The following RSPH14 variants were observed in gnomAD, a reference collection of about 807,000 sequenced individuals.
RSPH14 encodes the protein rhabdoid tumor deletion region gene 1.
RSPH14 carries 20 observed loss-of-function variants against 26.7 expected under a neutral mutation model. The ratio of observed to expected loss-of-function variants is 0.75; its 90% CI spans 0.53 to 1.09. The LOEUF (loss-of-function observed/expected upper bound fraction) is 1.09. Among genes scored for constraint, RSPH14 ranks in the 50% least tolerant of loss-of-function variants. The pLI is 0.00. For synonymous variants in RSPH14, 177 were observed against 189.3 expected (o/e 0.93, Z 0.53); for missense variants, 449 against 457.2 (o/e 0.98, Z 0.16).
chr22:23,135,172 TA>T (rs1460075392), intron 3 of RSPH14, among the ~76,000 whole-genome samples: 1 of 151,682 alleles, frequency 6.6e-6, no homozygotes, highest in Non-Finnish European at 1.5e-5. Flanking sequence ...CCTTGTCTCT[TA>T]AAAAATAAAA....
intron 4 of RSPH14, among the ~76,000 whole-genome samples, chr22:23,117,548 G>A (rs899611481): frequency 2.0e-5 from 3 of 152,228 alleles, no homozygotes; most frequent in Admixed American, 6.5e-5. Context: ...CAGGTCTTCC[G>A]ATGAGACCTC....
At chr22:23,087,767 G>C (rs1046108469) in intron 4 of RSPH14, among the ~76,000 whole-genome samples, 5 of 152,158 alleles carry the variant, frequency 3.3e-5, no homozygotes, top group Admixed American at 6.5e-5. Context: ...TTCCTGGGTG[G>C]GGGCCACAAG....
chr22:23,091,224 A>T (rs1157298700), intron 4 of RSPH14, among the ~76,000 whole-genome samples: 2 of 152,326 alleles, frequency 1.3e-5, no homozygotes, highest in East Asian at 3.9e-4. Flanking sequence ...ATGAACAGAC[A>T]CATGCACACA....
At chr22:23,064,158 G>C (rs1373485308) in intron 4 of RSPH14, 25 bp from the exon 5 acceptor site, 3 of 1,609,474 alleles carry the variant, frequency 1.9e-6, no homozygotes, top group Admixed American at 1.7e-5. Context: ...AGGGCACTGA[G>C]GGCGGGCTGG....
Position 23,119,179 on chromosome 22 carries a change from G to T in RSPH14, c.421+14847C>A, listed in dbSNP as rs557654502. On this transcript the variant is annotated intron_variant, in intron 4 of 6. Coordinates refer to ENST00000216036, the MANE Select transcript of RSPH14 (RefSeq NM_014433.3). ...GCTTTGCCCACCTGTCTGCACTCCA[G>T]GCTGCAAGAGTGCAGGCACCGCTGT... Among the ~76,000 whole-genome samples the T allele has an allele frequency of 4.6e-5, 7 of 152,334 alleles. No homozygotes were observed. The East Asian group carries it at 1.4e-3, about 29-fold the overall frequency.
the RSPH14 span, among the ~76,000 whole-genome samples, chr22:23,164,941 G>C: frequency 6.6e-6 from 1 of 151,064 alleles, no homozygotes; most frequent in Admixed American, 6.6e-5. Context: ...TTCATCCCTG[G>C]TCACAATGCA....
At chr22:23,098,501 TGGCCTGGTCTCA>T (rs2069191246) in intron 4 of RSPH14, among the ~76,000 whole-genome samples, 1 of 152,226 alleles carries the variant, frequency 6.6e-6, no homozygotes, top group Non-Finnish European at 1.5e-5. Context: ...CAGCAGCCAC[TGGCCTGGTCTCA>T]GGGATCCCTG....
At chr22:23,094,898 A>T (rs1474814438) in intron 4 of RSPH14, among the ~76,000 whole-genome samples, 3 of 152,260 alleles carry the variant, frequency 2.0e-5, no homozygotes, top group South Asian at 2.1e-4. Context: ...GCTGTCTGGG[A>T]GAAGGGCCCC....
chr22:23,175,172 G>A, the RSPH14 span, among the ~76,000 whole-genome samples: 18 of 151,932 alleles, frequency 1.2e-4, no homozygotes, highest in African/African-American at 4.3e-4. Context: ...ATTTGTTTTT[G>A]TATTTTTAGT....
intron 4 of RSPH14, among the ~76,000 whole-genome samples, chr22:23,072,941 A>G (rs2068415754): frequency 6.6e-6 from 1 of 152,222 alleles, no homozygotes. Flanking sequence ...AGGTAACTGG[A>G]TTGACTTCAC....
the RSPH14 span, among the ~76,000 whole-genome samples, chr22:23,178,225 G>A: frequency 6.6e-6 from 1 of 152,124 alleles, no homozygotes; most frequent in Non-Finnish European, 1.5e-5. Context: ...GACCAGCCTG[G>A]CCAACACAGT....
intron 4 of RSPH14, among the ~76,000 whole-genome samples, chr22:23,114,822 C>T (rs545645190): frequency 6.6e-6 from 1 of 152,346 alleles, no homozygotes; most frequent in Admixed American, 6.5e-5. Flanking sequence ...TGCCTGTCCT[C>T]ACCCACCTTG....
Position 23,091,476 on chromosome 22 carries a change from A to G in RSPH14, c.422-27343T>C, listed in dbSNP as rs112386393. ...CCTATGCATACACACACACACCGCA[A>G]TGGACCTGCACACACACAGGGACCT... On this transcript the variant is annotated intron_variant, in intron 4 of 6. Coordinates refer to ENST00000216036, the MANE Select transcript of RSPH14 (RefSeq NM_014433.3). Among the ~76,000 whole-genome samples, 804 of 151,466 alleles carry G rather than the reference A, an allele frequency of 5.3e-3. 9 individuals are homozygous for G. Among genetic ancestry groups the G allele is most frequent in the African/African-American group, 0.017 (717 of 41,118 alleles).
intron 4 of RSPH14, among the ~76,000 whole-genome samples, chr22:23,072,656 G>C (rs1337196865): frequency 1.3e-5 from 2 of 152,366 alleles, no homozygotes; most frequent in East Asian, 3.9e-4. Context: ...CTGCCCTCGT[G>C]GGGTGTGCAG....
Position 23,071,918 on chromosome 22 carries a change from G to A in RSPH14, c.422-7785C>T, listed in dbSNP as rs1046616289. 2.0e-5 allele frequency among the ~76,000 whole-genome samples: 3 copies of A among 152,158 alleles called. No individual in the cohort carries two copies. Among genetic ancestry groups the A allele is most frequent in the African/African-American group, 4.8e-5 (2 of 41,424 alleles). On this transcript the variant is annotated intron_variant, in intron 4 of 6. Transcript: ENST00000216036. The surrounding 1 kb of genome is among the most constrained non-coding windows in gnomAD (Gnocchi z 4.1). ...CCTGGGGAGTAGGAGGAGGTATGGC[G>A]GGAAAGGCCGGTGGGGGCTGCACGG...
chr22:23,081,821 CA>C (rs55713577), intron 4 of RSPH14, among the ~76,000 whole-genome samples: 15,233 of 46,534 alleles, frequency 0.33, 457 homozygotes, highest in African/African-American at 0.4. Flanking sequence ...GATTCCATCT[CA>C]AAAAAAAAAA....
At chr22:23,083,391 G>A (rs898868750) in intron 4 of RSPH14, among the ~76,000 whole-genome samples, 1 of 152,124 alleles carries the variant, frequency 6.6e-6, no homozygotes, top group Non-Finnish European at 1.5e-5. Context: ...TGGACTGCAG[G>A]GTGACCCCTT....
chr22:23,061,698 TTG>T, intron 6 of RSPH14, 109 bp downstream of exon 6: 1 of 1,383,098 alleles, frequency 7.2e-7, no homozygotes, highest in Non-Finnish European at 9.7e-7. Context: ...TTTTTTTTTT[TTG>T]CAAAGTGTGG....
intron 4 of RSPH14, among the ~76,000 whole-genome samples, chr22:23,100,175 A>C (rs1391943653): frequency 6.6e-6 from 1 of 152,222 alleles, no homozygotes; most frequent in South Asian, 2.1e-4. Context: ...TCCCAGCAGC[A>C]CAGGGAACTG....
Sources: allele counts gnomAD v4.1 joint callset (sites outside exome capture counted in the v4.1 genomes callset), GRCh38; gene constraint gnomAD v4.1.1; non-coding constraint Gnocchi (gnomAD v3.1); transcripts MANE v1.5; gene names NCBI Gene and HGNC (gene_info 2026-07-23, HGNC 2026-07-21).